URI1: variants seen among roughly 807,000 people sequenced by gnomAD.
URI1 encodes URI1 prefoldin like chaperone, also known as unconventional prefoldin RPB5 interactor 1.
A neutral mutation model predicts 60.2 loss-of-function variants in URI1; 39 were observed. The ratio of observed to expected loss-of-function variants is 0.65; its 90% CI spans 0.50 to 0.85. The LOEUF (loss-of-function observed/expected upper bound fraction) is 0.85, where lower values mean the gene tolerates loss of function less well. URI1 is among the 40% of genes least tolerant of loss of function. The probability of loss-of-function intolerance (pLI) is 0.00; values close to 1 mark genes in which losing one functional copy is unlikely to be tolerated. For synonymous variants in URI1, 251 were observed against 236.8 expected, an observed-to-expected ratio of 1.06 and a Z score of -0.55; for missense variants, 691 against 665.9, an observed-to-expected ratio of 1.04 and a Z score of -0.42.
chr19:29,987,687 T>C (rs1296089747), intron 4 of URI1, among the ~76,000 whole-genome samples: 1 of 152,186 alleles, frequency 6.6e-6, no homozygotes, highest in African/African-American at 2.4e-5. Flanking sequence ...TCTTTATAAT[T>C]AGTTATAACT....
chr19:29,993,949 T>C (rs944052554), intron 4 of URI1, among the ~76,000 whole-genome samples: 1 of 152,188 alleles, frequency 6.6e-6, no homozygotes, highest in African/African-American at 2.4e-5. Context: ...TTTTCATGGC[T>C]ATATAGTATT....
At chr19:29,964,452 G>GTTTTTTTTTTTTTTTTTTTT (rs1380907956) in intron 1 of URI1, among the ~76,000 whole-genome samples, 1 of 137,258 alleles carries the variant, frequency 7.3e-6, no homozygotes, top group African/African-American at 2.8e-5. Context: ...TTTTGTTTTT[G>GTTTTTTTTTTTTTTTTTTTT]TTTTTTGTTT....
intron 8 of URI1, among the ~76,000 whole-genome samples, chr19:30,009,567 A>G (rs1250604711): frequency 1.3e-5 from 2 of 152,208 alleles, no homozygotes; most frequent in East Asian, 1.9e-4. Flanking sequence ...GAAACAATGC[A>G]TTGTTTGGGG....
chr19:29,930,623 G>A (rs993260423), intron 1 of URI1, among the ~76,000 whole-genome samples: 4 of 151,930 alleles, frequency 2.6e-5, no homozygotes, highest in Admixed American at 6.6e-5. Context: ...ATCAGTACGC[G>A]AGAGGGTTTA....
chr19:29,948,110 C>G (rs1333118502), intron 1 of URI1, among the ~76,000 whole-genome samples: 6 of 152,182 alleles, frequency 3.9e-5, no homozygotes, highest in Non-Finnish European at 5.9e-5. Flanking sequence ...CTTGACTGTT[C>G]TGTTGGCTTG....
At chr19:30,008,775 A>G (rs1201063036) in intron 7 of URI1, among the ~76,000 whole-genome samples, 1 of 152,154 alleles carries the variant, frequency 6.6e-6, no homozygotes, top group African/African-American at 2.4e-5. Flanking sequence ...TAAAAAAATT[A>G]TCTTCTATAT....
intron 1 of URI1, among the ~76,000 whole-genome samples, chr19:29,951,736 C>T (rs1189863370): frequency 3.3e-5 from 5 of 151,984 alleles, no homozygotes; most frequent in Admixed American, 2.0e-4. Flanking sequence ...TTAGTAGAGA[C>T]GAGGTTTCAC....
At chr19:29,997,415 G>A (rs1438195868) in intron 4 of URI1, among the ~76,000 whole-genome samples, 2 of 152,024 alleles carry the variant, frequency 1.3e-5, no homozygotes, top group Admixed American at 1.3e-4. Flanking sequence ...TGTGATTTTA[G>A]TGATTTGAAT....
At chr19:29,946,644 T>G (rs568472673) in intron 1 of URI1, among the ~76,000 whole-genome samples, 1 of 152,330 alleles carries the variant, frequency 6.6e-6, no homozygotes, top group South Asian at 2.1e-4. Context: ...TTTAAATTTT[T>G]TATAAAGCAG....
Position 29,971,513 on chromosome 19 carries a change from G to A in URI1, c.152+286G>A, listed in dbSNP as rs144046877. On this transcript the variant is annotated intron_variant, in intron 2 of 10. Coordinates refer to ENST00000392271, the MANE Select transcript of URI1 (RefSeq NM_003796.3). ...AATATCATTATGAATTGGAGACTGA[G>A]ACATTTTTGAATGTGACTTAGCTCT... 1.5e-3 allele frequency among the ~76,000 whole-genome samples: 226 copies of A among 151,938 alleles called. 1 individual carries two copies. The highest frequency in any genetic ancestry group is 5.1e-3 in the African/African-American group (212 of 41,470).
At chr19:29,959,757 C>G (rs541705914) in intron 1 of URI1, among the ~76,000 whole-genome samples, 1 of 151,844 alleles carries the variant, frequency 6.6e-6, no homozygotes, top group African/African-American at 2.4e-5. Flanking sequence ...CCCTTGATTT[C>G]TCTTCTTAAG....
intron 1 of URI1, among the ~76,000 whole-genome samples, chr19:29,966,566 A>G (rs892904419): frequency 2.0e-5 from 3 of 152,154 alleles, no homozygotes; most frequent in African/African-American, 4.8e-5. Flanking sequence ...AAGATTTGTA[A>G]TTTTTGTAAA....
chr19:29,956,488 T>G, intron 1 of URI1: 9 of 1,590,324 alleles, frequency 5.7e-6, no homozygotes, highest in Non-Finnish European at 7.7e-6. Context: ...ATCCTTGTTT[T>G]TAACTGTTGT....
At chr19:30,001,326 A>T (rs1054383328) in intron 4 of URI1, among the ~76,000 whole-genome samples, 6 of 151,718 alleles carry the variant, frequency 4.0e-5, no homozygotes, top group African/African-American at 9.7e-5. Context: ...TATTTTTTTT[A>T]AATTGAGCAA....
intron 2 of URI1, 68 bp from the exon 3 acceptor site, chr19:29,985,155 A>AGTT: frequency 9.3e-6 from 3 of 323,640 alleles, no homozygotes; most frequent in South Asian, 1.2e-4. Flanking sequence ...AAAAAAAAAA[A>AGTT]AAAAAAAAAA....
chr19:29,929,075 T>G (rs2054894219), intron 1 of URI1, among the ~76,000 whole-genome samples: 1 of 152,218 alleles, frequency 6.6e-6, no homozygotes, highest in South Asian at 2.1e-4. Flanking sequence ...GTTCTTGCTT[T>G]GCTGCTATGA....
intron 4 of URI1, among the ~76,000 whole-genome samples, chr19:29,990,865 T>C (rs186839417): frequency 2.6e-5 from 4 of 152,326 alleles, no homozygotes; most frequent in Admixed American, 2.0e-4. Flanking sequence ...AATTGTATGT[T>C]ATGTGAATTA....
chr19:30,015,843 T>G lies in URI1; in HGVS notation c.*774T>G, dbSNP rs1332270450. On this transcript the variant is annotated 3_prime_UTR_variant, in exon 11 of 11. Transcript: ENST00000392271. Reference sequence around the variant, plus strand: ...TCTCCCTTAGTTTTTGCAGTTTCACTGGGATTATGTTTTGGGAAACAAGGA... The same window carrying G: ...TCTCCCTTAGTTTTTGCAGTTTCACGGGGATTATGTTTTGGGAAACAAGGA... 3 of 361,732 alleles carry G rather than the reference T, an allele frequency of 8.3e-6. No individual in the cohort carries two copies. Among genetic ancestry groups the G allele is most frequent in the Non-Finnish European group, 1.5e-5 (3 of 202,984 alleles). 22.4% of individuals were successfully genotyped at this position (361,732 alleles called of 1,614,324 possible). A position where few individuals can be genotyped will look rare whatever the true frequency, so the allele number is the denominator to read the frequency against.
chr19:29,968,624 T>C (rs1322363392), intron 1 of URI1, among the ~76,000 whole-genome samples: 8 of 132,846 alleles, frequency 6.0e-5, no homozygotes, highest in Non-Finnish European at 9.2e-5. Flanking sequence ...CAGGCTGGAG[T>C]GCAGTGGCGC....
Sources: allele counts gnomAD v4.1 joint callset (sites outside exome capture counted in the v4.1 genomes callset), GRCh38; gene constraint gnomAD v4.1.1; transcripts MANE v1.5; gene names NCBI Gene and HGNC (gene_info 2026-07-23, HGNC 2026-07-21).